PALLD: variants seen among roughly 807,000 people sequenced by gnomAD.
PALLD encodes the protein palladin, cytoskeletal associated protein.
In PALLD, 61 loss-of-function variants were observed where a neutral mutation model predicts 123.5. That is an observed-to-expected ratio of 0.49 (90% CI 0.40 to 0.61). The LOEUF (loss-of-function observed/expected upper bound fraction) is 0.61, where lower values mean the gene tolerates loss of function less well. Among genes scored for constraint, PALLD ranks in the 20% least tolerant of loss-of-function variants. PALLD has a pLI of 0.00. For synonymous variants in PALLD, 465 were observed against 496.4 expected, an observed-to-expected ratio of 0.94 and a Z score of 0.84; for missense variants, 1,273 against 1,377.0, an observed-to-expected ratio of 0.92 and a Z score of 1.20.
chr4:168,868,921 C>T (rs1223217299), intron 10 of PALLD, among the ~76,000 whole-genome samples: 2 of 152,172 alleles, frequency 1.3e-5, no homozygotes, highest in Non-Finnish European at 2.9e-5. Flanking sequence ...CCCCAAGGCA[C>T]TTCTCTTCAA....
chr4:168,772,401 T>C (rs1236920235), intron 10 of PALLD, among the ~76,000 whole-genome samples: 1 of 152,160 alleles, frequency 6.6e-6, no homozygotes, highest in Non-Finnish European at 1.5e-5. Context: ...TATTTGCAAG[T>C]CTCTCACTTT....
At chr4:168,618,512 T>C (rs546798875) in intron 2 of PALLD, among the ~76,000 whole-genome samples, 2 of 152,314 alleles carry the variant, frequency 1.3e-5, no homozygotes, top group South Asian at 4.1e-4. Flanking sequence ...CAGAATAATA[T>C]ATCGAAGCAT....
chr4:168,573,627 GA>G (rs995731965), intron 2 of PALLD, among the ~76,000 whole-genome samples: 24 of 152,212 alleles, frequency 1.6e-4, no homozygotes, highest in African/African-American at 5.5e-4. Flanking sequence ...AAGGTATGAA[GA>G]GTTCTAAAAG....
chr4:168,775,050 T>C (rs537101734), intron 10 of PALLD, among the ~76,000 whole-genome samples: 84 of 138,656 alleles, frequency 6.1e-4, no homozygotes, highest in African/African-American at 2.2e-3. Flanking sequence ...TTATAGAGCA[T>C]ATATATCACA....
chr4:168,554,354 A>T (rs773574416), intron 2 of PALLD, among the ~76,000 whole-genome samples: 2 of 151,882 alleles, frequency 1.3e-5, no homozygotes, highest in Non-Finnish European at 2.9e-5. Context: ...TTTCTCTCTT[A>T]CTCTTCAGAC....
intron 3 of PALLD, among the ~76,000 whole-genome samples, chr4:168,673,471 A>C (rs1331885374): frequency 2.0e-5 from 3 of 152,236 alleles, no homozygotes; most frequent in Non-Finnish European, 4.4e-5. Flanking sequence ...CATCAGGTGG[A>C]AGAGTTAGCT....
chr4:168,562,066 A>G lies in PALLD; in HGVS notation c.908+49654A>G, dbSNP rs142108281. Among the ~76,000 whole-genome samples, 77 of 151,626 alleles carry G rather than the reference A, an allele frequency of 5.1e-4. 1 individual carries two copies. Among genetic ancestry groups the G allele is most frequent in the Middle Eastern group, 3.4e-3 (1 of 294 alleles). On this transcript the variant is annotated intron_variant, in intron 2 of 21. Transcript: ENST00000505667. ...AGGTGATGAACTTAAAACTCAGAGA[A>G]GTGGAAAGATTGGCTCAAAGGTCAC... is the stretch of plus-strand genomic sequence containing the variant.
intron 13 of PALLD, 95 bp from the exon 14 acceptor site, chr4:168,898,398 T>C: frequency 2.5e-6 from 2 of 794,726 alleles, no homozygotes; most frequent in Non-Finnish European, 4.4e-6. Context: ...GGTAAAAATA[T>C]CACTGTCTTC....
intron 10 of PALLD, among the ~76,000 whole-genome samples, chr4:168,725,431 A>G (rs1045512741): frequency 4.6e-5 from 7 of 151,800 alleles, no homozygotes; most frequent in African/African-American, 1.7e-4. Flanking sequence ...ATTATGCTCA[A>G]TGTTTGAAAC....
chr4:168,925,179 G>C, intron 20 of PALLD, 54 bp from the exon 21 acceptor site: 1 of 1,580,308 alleles, frequency 6.3e-7, no homozygotes, highest in Non-Finnish European at 8.7e-7. Flanking sequence ...AACAACTATT[G>C]TGTTTTATTT....
At chr4:168,830,475 A>T (rs573790685) in intron 10 of PALLD, among the ~76,000 whole-genome samples, 3 of 152,118 alleles carry the variant, frequency 2.0e-5, no homozygotes, top group Admixed American at 1.3e-4. Context: ...AACTGCAGTA[A>T]GCCATGACTG....
rs1245731734 is a variant in PALLD at position 168,511,632 on chromosome 4, T to C, written c.128T>C (p.Leu43Pro). ...FLSQEEINKS[L>P]DLARRAIADS... Reference sequence around the variant, plus strand: ...AGCCAGGAAGAGATAAACAAGAGTCTTGACCTGGCCCGGAGAGCCATAGCC... The same window carrying C: ...AGCCAGGAAGAGATAAACAAGAGTCCTGACCTGGCCCGGAGAGCCATAGCC... The change falls in exon 2 of 22, where the codon CTT becomes CCT. Residue 43 changes from leucine (L) to proline (P), a missense_variant. Around this residue, in one of 2 missense-constraint regions of PALLD, gnomAD observed 944 missense variants for 954.5 expected, o/e 0.99. Transcript: ENST00000505667. 6.2e-7 allele frequency: 1 copy of C among 1,614,198 alleles called. No homozygotes were observed. Among genetic ancestry groups the C allele is most frequent in the East Asian group, 2.2e-5 (1 of 44,878 alleles).
At chr4:168,910,680 G>A (rs1758749403) in intron 15 of PALLD, among the ~76,000 whole-genome samples, 1 of 152,020 alleles carries the variant, frequency 6.6e-6, no homozygotes, top group South Asian at 2.1e-4. Flanking sequence ...TAACTATATG[G>A]CCTTGTTTTA....
intron 10 of PALLD, among the ~76,000 whole-genome samples, chr4:168,848,428 C>T (rs1227442294): frequency 2.6e-5 from 4 of 152,194 alleles, no homozygotes; most frequent in South Asian, 4.1e-4. Context: ...GAGAGTGTGC[C>T]GAATGCACTG....
At chr4:168,580,738 G>T (rs906538262) in intron 2 of PALLD, among the ~76,000 whole-genome samples, 12 of 151,988 alleles carry the variant, frequency 7.9e-5, no homozygotes, top group South Asian at 2.1e-4. Flanking sequence ...GCCCATCAGT[G>T]GTAGACTGGA....
intron 10 of PALLD, among the ~76,000 whole-genome samples, chr4:168,806,218 C>T (rs181987407): frequency 2.6e-5 from 4 of 152,284 alleles, no homozygotes; most frequent in Admixed American, 2.6e-4. Flanking sequence ...GCTTGTGCCA[C>T]CACGCCTGGC....
intron 2 of PALLD, among the ~76,000 whole-genome samples, chr4:168,580,760 TG>T (rs1770177103): frequency 6.6e-6 from 1 of 152,082 alleles, no homozygotes; most frequent in Non-Finnish European, 1.5e-5. Context: ...AAAGAAAATG[TG>T]GCACATATAC....
intron 8 of PALLD, chr4:168,700,079 TG>T: frequency 3.1e-6 from 1 of 326,328 alleles, no homozygotes; most frequent in Non-Finnish European, 6.2e-6. Flanking sequence ...TATTACAACC[TG>T]GCTCATCTCA....
Position 168,711,490 on chromosome 4 carries a change from A to T in PALLD, c.1622-91A>T, listed in dbSNP as rs868844083. ...CTCTTCTTTAACAACTTCACACAAC[A>T]CAGGGATTCTCAGAAGACTCTGACA... On this transcript the variant is annotated intron_variant, in intron 9 of 21. Transcript: ENST00000505667. 27 of 936,364 alleles carry T rather than the reference A, an allele frequency of 2.9e-5. No homozygotes were observed. In the Middle Eastern group the frequency reaches 8.4e-4, roughly 29 times the overall value. 58.0% of individuals were successfully genotyped at this position (936,364 alleles called of 1,614,324 possible). A position where few individuals can be genotyped will look rare whatever the true frequency, so the allele number is the denominator to read the frequency against.
Sources: allele counts gnomAD v4.1 joint callset (sites outside exome capture counted in the v4.1 genomes callset), GRCh38; gene constraint gnomAD v4.1.1; regional missense constraint gnomAD v4.1.1; transcripts MANE v1.5; gene names NCBI Gene and HGNC (gene_info 2026-07-23, HGNC 2026-07-21).